The following NEB variants were observed in gnomAD, a reference collection of about 807,000 sequenced individuals.
The protein encoded by NEB is nebulin.
NEB carries 512 observed loss-of-function variants against 952.2 expected under a neutral mutation model. The ratio of observed to expected loss-of-function variants is 0.54; its 90% CI spans 0.50 to 0.58. The LOEUF is 0.58. Among genes scored for constraint, NEB ranks in the 20% least tolerant of loss-of-function variants. The pLI is 0.00. For missense variants in NEB, 8,428 were observed against 9,231.1 expected, an observed-to-expected ratio of 0.91 and a Z score of 3.56; for synonymous variants, 2,900 against 3,149.8, an observed-to-expected ratio of 0.92 and a Z score of 2.66.
chr2:151,534,157 T>G, intron 142 of NEB: 1 of 1,242,722 alleles, frequency 8.0e-7, no homozygotes, highest in Non-Finnish European at 1.2e-6. Flanking sequence ...GGATGACATC[T>G]CATGAGAAAC....
chr2:151,540,388 G>A lies in NEB; in HGVS notation c.20848C>T (p.Pro6950Ser). ...KDKYTPVPDTPILIRAKRAYW... is the reference protein window; with the variant it reads ...KDKYTPVPDTSILIRAKRAYW... The stretch of plus-strand genomic sequence containing the variant: ...GCCCTCTTGGCTCTGATGAGGATTG[G>A]CGTATCTGGAACCGGAGTGTACTTG... Residue 6950 changes from proline (P) to serine (S), a missense_variant, in exon 138 of 182, where the codon CCA becomes TCA. This residue lies in a region of NEB where 3,374 missense variants were observed against 3,651.5 expected (regional missense o/e 0.92). Transcript: ENST00000397345. 6.3e-7 allele frequency: 1 copy of A among 1,586,658 alleles called. No individual in the cohort carries two copies. The highest frequency in any genetic ancestry group is 1.3e-5 in the African/African-American group (1 of 74,708).
chr2:151,612,248 T>C lies in NEB; in HGVS notation c.11743A>G (p.Thr3915Ala). Residue 3915 changes from threonine (T) to alanine (A), a missense_variant, in exon 78 of 182, where the codon ACA (threonine) becomes GCA (alanine). Thr to Ala is a moderately conservative substitution (Grantham distance 58). This residue lies in a region of NEB where 337 missense variants were observed against 297.5 expected (regional missense o/e 1.13). Transcript: ENST00000397345. ...YRQPADQLKFTCITDTPEIVL... is the reference protein window; with the variant it reads ...YRQPADQLKFACITDTPEIVL... ...ATTTCCGGAGTGTCGGTAATGCATGTGAATTTGAGCTGGTCTGCAGGCTGG... is the reference window on the plus strand; with the variant it reads ...ATTTCCGGAGTGTCGGTAATGCATGCGAATTTGAGCTGGTCTGCAGGCTGG... 1 of 1,613,918 alleles carries C rather than the reference T, an allele frequency of 6.2e-7. No homozygotes were observed. Among genetic ancestry groups the C allele is most frequent in the Non-Finnish European group, 8.5e-7 (1 of 1,179,838 alleles).
intron 27 of NEB, 84 bp downstream of exon 27, chr2:151,687,335 G>T: frequency 8.5e-7 from 1 of 1,178,094 alleles, no homozygotes. Flanking sequence ...CCATGCTCAT[G>T]AAATTCTTTT....
intron 108 of NEB, 38 bp downstream of exon 108, chr2:151,570,459 G>GAAA: frequency 3.2e-6 from 4 of 1,258,546 alleles, no homozygotes; most frequent in South Asian, 1.5e-5. Flanking sequence ...GGCATCGGCT[G>GAAA]AAAAAAAAAA....
In NEB at chr2:151,518,983, T is replaced by A. The variant is rs778662915; in HGVS notation, c.22677A>T (p.Thr7559=). The change falls in exon 155 of 182, where the codon ACA becomes ACT. Residue 7559 remains threonine, a synonymous_variant. Transcript: ENST00000397345. ...ESLIMNHVLN[T]SQLASSYQYK... is the part of the protein sequence containing the mutation. ...AGCTTACAGAACTGGCAAGTTGGCT[T>A]GTATTCAGGACATGATTCATGATCA... 1.2e-6 allele frequency: 2 copies of A among 1,612,914 alleles called. No homozygotes were observed. Among genetic ancestry groups the A allele is most frequent in the Non-Finnish European group, 1.7e-6 (2 of 1,179,072 alleles).
intron 56 of NEB, 128 bp downstream of exon 56, chr2:151,644,340 G>T: frequency 1.9e-6 from 2 of 1,074,618 alleles, no homozygotes; most frequent in Non-Finnish European, 2.7e-6. Flanking sequence ...ATCCCACACT[G>T]CATGGGATCA....
rs34718443 is a variant in NEB, at chr2:151,529,225, G to A, written c.21720C>T (p.Tyr7240=). ...AVHIKAAKDA[Y]KVNTNLDYKK... ...TGGAACTTACATTGGTGTTGACTTTGTAGGCGTCCTTGGCTGCTTTGATAT... is the reference window on the plus strand; with the variant it reads ...TGGAACTTACATTGGTGTTGACTTTATAGGCGTCCTTGGCTGCTTTGATAT... Residue 7240 remains tyrosine (Y), a synonymous_variant, in exon 146 of 182, where the codon TAC becomes TAT. Coordinates refer to ENST00000397345, the MANE Select transcript of NEB (RefSeq NM_001164508.2). 3,070 of 1,611,584 alleles carry A rather than the reference G, an allele frequency of 1.9e-3. 30 individuals are homozygous for A. The highest frequency in any genetic ancestry group is 5.6e-3 in the Middle Eastern group (34 of 6,054).
intron 54 of NEB, among the ~76,000 whole-genome samples, chr2:151,647,436 A>G (rs1277115110): frequency 6.6e-6 from 1 of 152,206 alleles, no homozygotes; most frequent in African/African-American, 2.4e-5. Flanking sequence ...GATTAAAAAC[A>G]GAATATTTAC....
At chr2:151,723,577 G>C in intron 8 of NEB, 91 bp from the exon 9 acceptor site, 1 of 896,748 alleles carries the variant, frequency 1.1e-6, no homozygotes. Context: ...ATAACCTAAA[G>C]AACCAAGGGC....
Position 151,563,711 on chromosome 2 carries a change from G to A in NEB, c.18588C>T (p.Tyr6196=), listed in dbSNP as rs774109260. 6 of 1,613,278 alleles carry A rather than the reference G, an allele frequency of 3.7e-6. No homozygotes were observed. The South Asian group carries it at 4.4e-5, about 12-fold the overall frequency. The stretch of plus-strand genomic sequence containing the variant: ...CTTTCTGCTTCTCATATGTCTCTTT[G>A]TATTTAAGCTGTAAAGTGGGTTAAA... ...HADLVNSELK[Y]KETYEKQKGH... is the part of the protein sequence containing the mutation. The change falls in exon 119 of 182, where the codon TAC becomes TAT. Residue 6196 remains tyrosine, a synonymous_variant. Transcript: ENST00000397345.
chr2:151,502,350 T>C (rs140959933), intron 167 of NEB, among the ~76,000 whole-genome samples: 34 of 150,514 alleles, frequency 2.3e-4, no homozygotes, highest in African/African-American at 8.1e-4. Context: ...CACCTGTACC[T>C]CCCAAACTTA....
At chr2:151,668,651 G>C (rs2099249537) in intron 39 of NEB, among the ~76,000 whole-genome samples, 1 of 152,054 alleles carries the variant, frequency 6.6e-6, no homozygotes, top group Non-Finnish European at 1.5e-5. Flanking sequence ...ATTTTGTGAA[G>C]AAAACTAAAC....
intron 13 of NEB, among the ~76,000 whole-genome samples, chr2:151,706,425 C>A (rs113294149): frequency 0.016 from 2,424 of 152,218 alleles, 27 homozygotes; most frequent in Middle Eastern, 0.031. Context: ...ACGGCTTAGT[C>A]GGGCTCTTAA....
intron 65 of NEB, 108 bp from the exon 66 acceptor site, chr2:151,631,454 A>T: frequency 8.1e-7 from 1 of 1,241,668 alleles, no homozygotes; most frequent in Non-Finnish European, 1.1e-6. Context: ...TATTCGTAGA[A>T]AACAAGCGCG....
At chr2:151,714,382 G>A (rs908680834) in intron 10 of NEB, among the ~76,000 whole-genome samples, 2 of 152,090 alleles carry the variant, frequency 1.3e-5, no homozygotes, top group Admixed American at 6.5e-5. Flanking sequence ...ATTCTCCCTA[G>A]TAATCATTTC....
Position 151,662,386 on chromosome 2 carries a change from C to T in NEB, c.5764-45G>A, listed in dbSNP as rs1419572199. ...AAATTATGAGAAGAAACTGGAACTT[C>T]CCAAGAATCCTAAGTGTGTGTTTAA... On this transcript the variant is annotated intron_variant, in intron 45 of 181. Transcript: ENST00000397345. The T allele has an allele frequency of 6.2e-6, 9 of 1,459,566 alleles. No homozygotes were observed. In the African/African-American group the frequency reaches 1.1e-4, roughly 18 times the overall value. 90.4% of individuals were successfully genotyped at this position (1,459,566 alleles called of 1,614,324 possible).
chr2:151,644,318 G>A (rs1408498408), intron 56 of NEB, 150 bp downstream of exon 56: 1 of 1,037,296 alleles, frequency 9.6e-7, no homozygotes, highest in East Asian at 2.5e-5. Context: ...ATGCATCCTT[G>A]ATCTTATCCT....
intron 135 of NEB, among the ~76,000 whole-genome samples, chr2:151,545,025 G>A (rs1053311442): frequency 6.6e-6 from 1 of 152,194 alleles, no homozygotes; most frequent in Non-Finnish European, 1.5e-5. Flanking sequence ...TAAATAACAT[G>A]GGGTCCAATC....
At chr2:151,717,377 G>T (rs1391370297) in intron 10 of NEB, 39 bp downstream of exon 10, 2 of 1,276,294 alleles carry the variant, frequency 1.6e-6, no homozygotes, top group Admixed American at 2.1e-5. Context: ...ATTAAGCAGA[G>T]TCTTCAAGGG....
Sources: allele counts gnomAD v4.1 joint callset (sites outside exome capture counted in the v4.1 genomes callset), GRCh38; gene constraint gnomAD v4.1.1; regional missense constraint gnomAD v4.1.1; transcripts MANE v1.5; gene names NCBI Gene and HGNC (gene_info 2026-07-23, HGNC 2026-07-21).